Variants in RASIP1 observed in about 807,000 individuals in gnomAD.
The protein encoded by RASIP1 is ras-interacting protein 1.
A neutral mutation model predicts 85.3 loss-of-function variants in RASIP1; 20 were observed. The observed-to-expected ratio is 0.23, with a 90% CI of 0.17 to 0.34. RASIP1 has a LOEUF of 0.34. Among genes scored for constraint, RASIP1 ranks in the 10% least tolerant of loss-of-function variants. The probability of loss-of-function intolerance (pLI) is 1.00; values close to 1 mark genes in which losing one functional copy is unlikely to be tolerated. For synonymous variants in RASIP1, 617 were observed against 647.1 expected (o/e 0.95, Z 0.71); for missense variants, 1,170 against 1,390.9 (o/e 0.84, Z 2.53).
chr19:48,724,321 G>A lies in RASIP1; in HGVS notation c.2544+16C>T. The stretch of plus-strand genomic sequence containing the variant: ...AGTCAGAGGTCAGGGGTCAGGTATA[G>A]CTGACCAGGAGTCACCTTGAGCAGG... On this transcript the variant is annotated intron_variant, in intron 10 of 11. Coordinates refer to ENST00000222145, the MANE Select transcript of RASIP1 (RefSeq NM_017805.3). This position sits in a 1 kb window ranked among gnomAD's most constrained non-coding sequence, Gnocchi z 4.6. 6.2e-7 allele frequency: 1 copy of A among 1,611,160 alleles called. No individual in the cohort carries two copies. The highest frequency in any genetic ancestry group is 8.5e-7 in the Non-Finnish European group (1 of 1,178,024).
chr19:48,727,268 TG>T, intron 6 of RASIP1, 110 bp from the exon 7 acceptor site: 1 of 1,546,822 alleles, frequency 6.5e-7, no homozygotes, highest in East Asian at 2.3e-5. Flanking sequence ...ATTGCGCAGC[TG>T]GAAAAGTTGA....
rs563817097 is a variant in RASIP1 at position 48,738,794 on chromosome 19, C to T, written c.823+166G>A. The T allele has an allele frequency of 1.3e-4, 120 of 907,228 alleles. No homozygotes were observed. The East Asian group carries it at 4.4e-3, about 33-fold the overall frequency. 56.2% of individuals were successfully genotyped at this position (907,228 alleles called of 1,614,324 possible). Reference sequence around the variant, plus strand: ...CTGGCCGCCCCCGGCCCTGCTCTAGCTCTGCCTAGAGTCCAACACGCACCG... The same window carrying T: ...CTGGCCGCCCCCGGCCCTGCTCTAGTTCTGCCTAGAGTCCAACACGCACCG... On this transcript the variant is annotated intron_variant, in intron 3 of 11. Coordinates refer to ENST00000222145, the MANE Select transcript of RASIP1 (RefSeq NM_017805.3). This position sits in a 1 kb window ranked among gnomAD's most constrained non-coding sequence, Gnocchi z 4.0.
chr19:48,738,999 G>T lies in RASIP1; in HGVS notation c.784C>A (p.Arg262Ser). Reference sequence around the variant, plus strand: ...GCCCCGAAGGCCTCCTGCTCCAGGCGCCGCGCCTCCTCGCGGCCGCGCAAC... The same window carrying T: ...GCCCCGAAGGCCTCCTGCTCCAGGCTCCGCGCCTCCTCGCGGCCGCGCAAC... ...FELRGREEAR[R>S]LEQEAFGAAD... The change falls in exon 3 of 12, where the codon CGC (arginine) becomes AGC (serine). Residue 262 changes from arginine to serine, a missense_variant. Around this residue, in one of 4 missense-constraint regions of RASIP1, gnomAD observed 301 missense variants for 294.8 expected, o/e 1.02. Transcript: ENST00000222145. This position sits in a 1 kb window ranked among gnomAD's most constrained non-coding sequence, Gnocchi z 4.0. 2 of 1,240,826 alleles carry T rather than the reference G, an allele frequency of 1.6e-6. No homozygotes were observed. The highest frequency in any genetic ancestry group is 6.7e-5 in the South Asian group (2 of 30,022). 76.9% of individuals were successfully genotyped at this position (1,240,826 alleles called of 1,614,324 possible). A position where few individuals can be genotyped will look rare whatever the true frequency, so the allele number is the denominator to read the frequency against.
chr19:48,736,975 G>C (rs191736591), intron 3 of RASIP1, among the ~76,000 whole-genome samples: 4 of 152,098 alleles, frequency 2.6e-5, no homozygotes, highest in African/African-American at 9.7e-5. Flanking sequence ...GGTGGAGGTC[G>C]CAGTGAGCCA....
chr19:48,737,569 C>T, intron 3 of RASIP1: 7 of 985,390 alleles, frequency 7.1e-6, no homozygotes, highest in Non-Finnish European at 8.4e-6. Flanking sequence ...CCAAGGCCGG[C>T]CCCTCAGCGG....
chr19:48,729,861 C>T (rs527445839), intron 4 of RASIP1, among the ~76,000 whole-genome samples: 5 of 151,818 alleles, frequency 3.3e-5, no homozygotes, highest in African/African-American at 7.2e-5. Context: ...AGTACAGGCG[C>T]CTGCCACCAC....
At chr19:48,733,990 A>T (rs190488672) in intron 4 of RASIP1, among the ~76,000 whole-genome samples, 176 of 152,028 alleles carry the variant, frequency 1.2e-3, no homozygotes, top group African/African-American at 3.3e-3. Context: ...CTTTTAAAAA[A>T]TTTTTCATTA....
At position 48,740,528 on chromosome 19, in the gene RASIP1, C is replaced by T. The variant is rs532765557; in HGVS notation, c.-12G>A. 1.1e-4 allele frequency: 159 copies of T among 1,387,844 alleles called. 1 individual carries two copies. The Admixed American group carries it at 5.2e-3, about 45-fold the overall frequency. 86.0% of individuals were successfully genotyped at this position (1,387,844 alleles called of 1,614,324 possible). On this transcript the variant is annotated 5_prime_UTR_variant, in exon 1 of 12. Transcript: ENST00000222145. The surrounding 1 kb of genome is among the most constrained non-coding windows in gnomAD (Gnocchi z 5.5). ...TGGGTCCCTGGCTCTTACCCTGCTT[C>T]GGGTCCGGCACACCCGGAGGCCCTG...
intron 8 of RASIP1, 55 bp from the exon 9 acceptor site, chr19:48,725,015 T>C (rs2287921): frequency 0.47 from 739,817 of 1,582,496 alleles, 187,230 homozygotes; most frequent in Non-Finnish European, 0.53. Context: ...CCAGGAAGCT[T>C]CAGGGTAATA....
Position 48,740,361 on chromosome 19 carries a change from A to G in RASIP1, c.-4-75T>C. ...TGGGGTGGAGGGAACCTGGACTCCGAGTCAGAGGGAGGAGGGGGCTGGGGC... is the reference window on the plus strand; with the variant it reads ...TGGGGTGGAGGGAACCTGGACTCCGGGTCAGAGGGAGGAGGGGGCTGGGGC... On this transcript the variant is annotated intron_variant, in intron 1 of 11. Coordinates refer to ENST00000222145, the MANE Select transcript of RASIP1 (RefSeq NM_017805.3). The surrounding 1 kb of genome is among the most constrained non-coding windows in gnomAD (Gnocchi z 5.5). 6.7e-7 allele frequency: 1 copy of G among 1,496,210 alleles called. No individual in the cohort carries two copies. The highest frequency in any genetic ancestry group is 1.2e-5 in the South Asian group (1 of 80,514). 92.7% of individuals were successfully genotyped at this position (1,496,210 alleles called of 1,614,324 possible).
At chr19:48,727,696 T>G (rs1568477688) in intron 5 of RASIP1, among the ~76,000 whole-genome samples, 1 of 150,182 alleles carries the variant, frequency 6.7e-6, no homozygotes, top group South Asian at 2.1e-4. Context: ...TTTTTTTTTT[T>G]TTTTTTTGAG....
Position 48,728,929 on chromosome 19 carries a change from GC to G in RASIP1, c.1833+7del. On this transcript the variant is annotated splice_region_variant and intron_variant, in intron 5 of 11. Coordinates refer to ENST00000222145, the MANE Select transcript of RASIP1 (RefSeq NM_017805.3). ...GGTGGGGCTGGACGGCGATTGGGGG[GC>G]GCTCACCCAGACGGCCTCCTTGATG... 6.9e-7 allele frequency: 1 copy of G among 1,439,810 alleles called. No individual in the cohort carries two copies. The highest frequency in any genetic ancestry group is 9.0e-7 in the Non-Finnish European group (1 of 1,107,192). 89.2% of individuals were successfully genotyped at this position (1,439,810 alleles called of 1,614,324 possible).
At chr19:48,733,874 C>T (rs574024445) in intron 4 of RASIP1, among the ~76,000 whole-genome samples, 4 of 151,848 alleles carry the variant, frequency 2.6e-5, no homozygotes, top group South Asian at 2.1e-4. Flanking sequence ...TTATCCAGAA[C>T]GTGATCCCAG....
intron 4 of RASIP1, among the ~76,000 whole-genome samples, chr19:48,730,746 C>T (rs2033440883): frequency 6.6e-6 from 1 of 152,106 alleles, no homozygotes; most frequent in Admixed American, 6.6e-5. Flanking sequence ...TTCCCTTGGA[C>T]TGGGCATAGT....
intron 10 of RASIP1, among the ~76,000 whole-genome samples, chr19:48,723,129 T>G (rs186873850): frequency 6.6e-6 from 1 of 152,258 alleles, no homozygotes; most frequent in Admixed American, 6.5e-5. Context: ...CAAGCGGTCC[T>G]TCCACCTCGG....
rs1568483461 is a variant in RASIP1 at position 48,738,280 on chromosome 19, A to G, written c.823+680T>C. Among the ~76,000 whole-genome samples the G allele has an allele frequency of 6.6e-6, 1 of 152,180 alleles. No homozygotes were observed. The highest frequency in any genetic ancestry group is 1.5e-5 in the Non-Finnish European group (1 of 68,032). ...CTTTAATTCAAAAAGACCCTTGTCA[A>G]TATTCAGTATCAAAACAGTTGCACT... On this transcript the variant is annotated intron_variant, in intron 3 of 11. Coordinates refer to ENST00000222145, the MANE Select transcript of RASIP1 (RefSeq NM_017805.3). This position sits in a 1 kb window ranked among gnomAD's most constrained non-coding sequence, Gnocchi z 4.0.
chr19:48,739,584 C>T lies in RASIP1; in HGVS notation c.199G>A (p.Val67Met), dbSNP rs1017252799. The T allele has an allele frequency of 5.4e-6, 8 of 1,489,242 alleles. No homozygotes were observed. The Admixed American group carries it at 6.7e-5, about 13-fold the overall frequency. The allele number at this position is 1,489,242 out of a possible 1,614,324, so 92.3% of individuals were successfully genotyped here. A position where few individuals can be genotyped will look rare whatever the true frequency, so the allele number is the denominator to read the frequency against. Residue 67 changes from valine (V) to methionine (M), a missense_variant, in exon 3 of 12, where the codon GTG becomes ATG. Transcript: ENST00000222145. The surrounding 1 kb of genome is among the most constrained non-coding windows in gnomAD (Gnocchi z 9.2). ...ACAGCGCCCACTCGCCGCAGCTCCA[C>T]GTGCGGCGGGGGCGGAGGTAGCGGC... ...SEPLPPPPPH[V>M]ELRRVGAVKA...
At chr19:48,727,249 C>A in intron 6 of RASIP1, 91 bp from the exon 7 acceptor site, 3 of 1,562,688 alleles carry the variant, frequency 1.9e-6, no homozygotes, top group Non-Finnish European at 2.6e-6. Context: ...GAGAGCAAGA[C>A]CAACTCCCAT....
chr19:48,728,637 G>A (rs554380879), intron 5 of RASIP1, among the ~76,000 whole-genome samples: 1 of 152,182 alleles, frequency 6.6e-6, no homozygotes, highest in African/African-American at 2.4e-5. Context: ...GCTGGCAGGC[G>A]CCTGCAATCC....
Sources: allele counts gnomAD v4.1 joint callset (sites outside exome capture counted in the v4.1 genomes callset), GRCh38; gene constraint gnomAD v4.1.1; regional missense constraint gnomAD v4.1.1; non-coding constraint Gnocchi (gnomAD v3.1); transcripts MANE v1.5; gene names NCBI Gene and HGNC (gene_info 2026-07-23, HGNC 2026-07-21).